Variants in GRK5 observed in about 807,000 individuals in gnomAD.
The protein encoded by GRK5 is G protein-coupled receptor kinase 5, also known as g protein-coupled receptor kinase GRK5.
GRK5 carries 40 observed loss-of-function variants against 78.4 expected under a neutral mutation model. The ratio of observed to expected loss-of-function variants is 0.51; its 90% confidence interval spans 0.40 to 0.66. GRK5 has a LOEUF of 0.66. Among genes scored for constraint, GRK5 ranks in the 30% least tolerant of loss-of-function variants. GRK5 has a pLI of 0.00. For synonymous variants in GRK5, 289 were observed against 296.8 expected, an observed-to-expected ratio of 0.97 and a Z score of 0.27; for missense variants, 598 against 759.9, an observed-to-expected ratio of 0.79 and a Z score of 2.50.
In GRK5 at chr10:119,316,123, C is replaced by T. The variant is rs1020198205; in HGVS notation, c.53-10393C>T. Among the ~76,000 whole-genome samples the T allele has an allele frequency of 3.9e-5, 6 of 152,180 alleles. No homozygotes were observed. The East Asian group carries it at 9.6e-4, about 24-fold the overall frequency. On this transcript the variant is annotated intron_variant, in intron 1 of 15. Transcript: ENST00000392870. ...AGTTTCTGTGGCCCCATTCCTGCTA[C>T]GTCTGGTTGTGCCTGGCCCCAACCC... is the stretch of plus-strand genomic sequence containing the variant.
chr10:119,288,045 C>T (rs1849887281), intron 1 of GRK5, among the ~76,000 whole-genome samples: 1 of 152,254 alleles, frequency 6.6e-6, no homozygotes, highest in Non-Finnish European at 1.5e-5. Context: ...GTGCCTGTGT[C>T]CTCTGCTCTT....
intron 10 of GRK5, among the ~76,000 whole-genome samples, chr10:119,440,552 A>ATTTT (rs35117721): frequency 1.5e-4 from 20 of 137,392 alleles, no homozygotes; most frequent in African/African-American, 5.4e-4. Flanking sequence ...TAGTTTTTGT[A>ATTTT]TTTTTTTTTT....
intron 2 of GRK5, among the ~76,000 whole-genome samples, chr10:119,339,246 C>T (rs1303738246): frequency 1.3e-5 from 2 of 152,196 alleles, no homozygotes; most frequent in African/African-American, 4.8e-5. Flanking sequence ...GAAAAACAAG[C>T]TCGTTTGTGC....
chr10:119,312,927 A>ATGGTGATGG (rs1178961457), intron 1 of GRK5, among the ~76,000 whole-genome samples: 4 of 3,154 alleles, frequency 1.3e-3, no homozygotes, highest in African/African-American at 1.7e-3. Flanking sequence ...AGTAGTGGTG[A>ATGGTGATGG]TGGTGGTAGT....
rs1183447714 is a variant in GRK5 at position 119,207,837 on chromosome 10, C to T, written c.-81C>T. The T allele has an allele frequency of 7.3e-7, 1 of 1,365,624 alleles. No individual in the cohort carries two copies. Among genetic ancestry groups the T allele is most frequent in the Non-Finnish European group, 1.0e-6 (1 of 1,000,156 alleles). 84.6% of individuals were successfully genotyped at this position (1,365,624 alleles called of 1,614,324 possible). The stretch of plus-strand genomic sequence containing the variant: ...GGCTCCGGCAGCAGCGGCGGCAGCC[C>T]GAGCAGCGGCAGCAGCAGCGGCAGC... On this transcript the variant is annotated 5_prime_UTR_variant, in exon 1 of 16. Coordinates refer to ENST00000392870, the MANE Select transcript of GRK5 (RefSeq NM_005308.3).
At chr10:119,261,457 G>C (rs1849398180) in intron 1 of GRK5, among the ~76,000 whole-genome samples, 1 of 151,626 alleles carries the variant, frequency 6.6e-6, no homozygotes, top group Non-Finnish European at 1.5e-5. Context: ...CCAGACGATG[G>C]GCGGCCAGGC....
At chr10:119,218,329 G>T (rs953315020) in intron 1 of GRK5, among the ~76,000 whole-genome samples, 2 of 152,130 alleles carry the variant, frequency 1.3e-5, no homozygotes, top group Non-Finnish European at 2.9e-5. Flanking sequence ...AAGGGGAGGG[G>T]GTAGGAGATA....
rs112237349 is a variant in GRK5, at chr10:119,380,663, G to A, written c.149-152G>A. 861 of 572,082 alleles carry A rather than the reference G, an allele frequency of 1.5e-3. 5 individuals are homozygous for A. The highest frequency in any genetic ancestry group is 0.014 in the African/African-American group (759 of 53,686). 35.4% of individuals were successfully genotyped at this position (572,082 alleles called of 1,614,324 possible). On this transcript the variant is annotated intron_variant, in intron 2 of 15. Transcript: ENST00000392870. ...TCTACACTGACGTCTCTCTGAGTCT[G>A]TGAAGACCATGAAATGAAGAAGGCG...
intron 1 of GRK5, among the ~76,000 whole-genome samples, chr10:119,210,409 G>C (rs557636696): frequency 6.6e-6 from 1 of 152,234 alleles, no homozygotes; most frequent in East Asian, 1.9e-4. Context: ...CTTTATTAGA[G>C]ACTTGAGCCC....
At chr10:119,401,992 G>T (rs1315937829) in intron 4 of GRK5, among the ~76,000 whole-genome samples, 4 of 152,184 alleles carry the variant, frequency 2.6e-5, no homozygotes, top group South Asian at 2.1e-4. Context: ...GATCCTGGCT[G>T]CTCCTGTGGC....
At chr10:119,359,697 C>T (rs1851326717) in intron 2 of GRK5, among the ~76,000 whole-genome samples, 1 of 152,214 alleles carries the variant, frequency 6.6e-6, no homozygotes, top group Non-Finnish European at 1.5e-5. Context: ...GCTTGCCTTC[C>T]TCATCCGGTA....
chr10:119,371,890 G>A (rs972005496), intron 2 of GRK5, among the ~76,000 whole-genome samples: 3 of 152,194 alleles, frequency 2.0e-5, no homozygotes, highest in South Asian at 2.1e-4. Context: ...GCCAATCCCC[G>A]GCAGCAACCA....
chr10:119,347,153 C>G (rs1012122110), intron 2 of GRK5, among the ~76,000 whole-genome samples: 14 of 152,174 alleles, frequency 9.2e-5, no homozygotes, highest in Non-Finnish European at 4.4e-5. Flanking sequence ...CAGGGATTCT[C>G]TCTTATTGAT....
At chr10:119,413,106 G>A (rs150334136) in intron 4 of GRK5, among the ~76,000 whole-genome samples, 94 of 152,230 alleles carry the variant, frequency 6.2e-4, no homozygotes, top group African/African-American at 2.2e-3. Context: ...GAGGAGGAGG[G>A]CGTTCTCTCC....
intron 10 of GRK5, among the ~76,000 whole-genome samples, chr10:119,440,498 C>T (rs1450085852): frequency 3.3e-5 from 5 of 151,978 alleles, no homozygotes; most frequent in Admixed American, 3.3e-4. Context: ...CTGCCTCAGC[C>T]TCCCAAGTAG....
intron 1 of GRK5, among the ~76,000 whole-genome samples, chr10:119,241,826 G>T (rs1271265808): frequency 6.6e-6 from 1 of 152,162 alleles, no homozygotes; most frequent in Non-Finnish European, 1.5e-5. Flanking sequence ...GAGAAAAAAT[G>T]GATTTAATTG....
At chr10:119,435,931 C>T (rs547365593) in intron 8 of GRK5, among the ~76,000 whole-genome samples, 9 of 152,194 alleles carry the variant, frequency 5.9e-5, no homozygotes, top group Admixed American at 3.9e-4. Flanking sequence ...GTGAAAGGCA[C>T]TTCTTACATG....
chr10:119,333,972 C>T (rs998536146), intron 2 of GRK5: 1 of 409,784 alleles, frequency 2.4e-6, no homozygotes, highest in Non-Finnish European at 4.9e-6. Context: ...TCTGCGAGCT[C>T]CCTGAGGGCC....
At chr10:119,261,069 TGGCC>T (rs1564867801) in intron 1 of GRK5, among the ~76,000 whole-genome samples, 1 of 4,230 alleles carries the variant, frequency 2.4e-4, no homozygotes, top group African/African-American at 5.8e-4. Flanking sequence ...ACGGGGCGGC[TGGCC>T]GGGCGGAGAC....
Sources: allele counts gnomAD v4.1 joint callset (sites outside exome capture counted in the v4.1 genomes callset), GRCh38; gene constraint gnomAD v4.1.1; transcripts MANE v1.5; gene names NCBI Gene and HGNC (gene_info 2026-07-23, HGNC 2026-07-21).